ROBO1: variants seen among roughly 807,000 people sequenced by gnomAD.
The protein encoded by ROBO1 is roundabout homolog 1.
A neutral mutation model predicts 195.9 loss-of-function variants in ROBO1; 149 were observed. The ratio of observed to expected loss-of-function variants is 0.76; its 90% CI spans 0.67 to 0.87. The LOEUF is 0.87. Ranked by LOEUF, ROBO1 falls within the 40% of genes least tolerant of loss-of-function variation. ROBO1 has a pLI of 0.00. For missense variants in ROBO1, 1,933 were observed against 2,068.3 expected (o/e 0.93, Z 1.27); for synonymous variants, 816 against 733.2 (o/e 1.11, Z -1.82).
At chr3:78,906,302 T>A (rs907881741) in intron 4 of ROBO1, among the ~76,000 whole-genome samples, 2 of 152,142 alleles carry the variant, frequency 1.3e-5, no homozygotes, top group African/African-American at 4.8e-5. Flanking sequence ...TAGTGCCTCA[T>A]CTGTGAGCCA....
intron 22 of ROBO1, among the ~76,000 whole-genome samples, chr3:78,638,255 A>T (rs1282658738): frequency 7.3e-6 from 1 of 137,750 alleles, no homozygotes; most frequent in African/African-American, 2.8e-5. Flanking sequence ...ACACACATAC[A>T]TATATGTATA....
At chr3:78,949,035 T>A (rs1490590821) in intron 3 of ROBO1, among the ~76,000 whole-genome samples, 2 of 146,286 alleles carry the variant, frequency 1.4e-5, no homozygotes, top group South Asian at 4.5e-4. Flanking sequence ...GGAAGAACAT[T>A]CCATGCTCAT....
intron 2 of ROBO1, among the ~76,000 whole-genome samples, chr3:79,306,550 C>G (rs2033229319): frequency 6.6e-6 from 1 of 152,182 alleles, no homozygotes; most frequent in Non-Finnish European, 1.5e-5. Flanking sequence ...CCTTAGCGTA[C>G]CTGGGGCTCC....
intron 2 of ROBO1, among the ~76,000 whole-genome samples, chr3:79,370,492 C>A (rs947549828): frequency 6.6e-6 from 1 of 151,970 alleles, no homozygotes; most frequent in Non-Finnish European, 1.5e-5. Context: ...TTCTGATATG[C>A]AAATACAAAC....
intron 2 of ROBO1, among the ~76,000 whole-genome samples, chr3:79,414,703 G>C (rs2037925928): frequency 6.6e-6 from 1 of 151,986 alleles, no homozygotes; most frequent in Admixed American, 6.6e-5. Context: ...ATTAATTTTA[G>C]GTCATAAGTA....
chr3:78,716,040 G>A (rs1230878997), intron 7 of ROBO1, among the ~76,000 whole-genome samples: 2 of 152,122 alleles, frequency 1.3e-5, no homozygotes, highest in Admixed American at 6.6e-5. Flanking sequence ...TTCCTTCTCA[G>A]CTTTGTGTCT....
intron 2 of ROBO1, among the ~76,000 whole-genome samples, chr3:79,292,708 G>T (rs1489010740): frequency 4.6e-5 from 7 of 152,112 alleles, no homozygotes; most frequent in Admixed American, 3.9e-4. Flanking sequence ...AACCAGCCTT[G>T]CATCCCAAGG....
chr3:78,895,215 G>A (rs1240224129), intron 4 of ROBO1, among the ~76,000 whole-genome samples: 1 of 152,046 alleles, frequency 6.6e-6, no homozygotes, highest in Non-Finnish European at 1.5e-5. Context: ...TGACAATTAG[G>A]GTTACAAATA....
At chr3:79,181,615 G>C (rs2081340791) in intron 2 of ROBO1, among the ~76,000 whole-genome samples, 2 of 152,064 alleles carry the variant, frequency 1.3e-5, no homozygotes, top group South Asian at 4.1e-4. Context: ...ATTATTTTTA[G>C]TGAGGAATAT....
At chr3:79,446,916 C>T (rs1190895185) in intron 2 of ROBO1, among the ~76,000 whole-genome samples, 3 of 152,094 alleles carry the variant, frequency 2.0e-5, no homozygotes, top group Admixed American at 6.5e-5. Context: ...CTCCGCCTCC[C>T]GGGTTCAAGC....
intron 28 of ROBO1, 190 bp from the exon 29 acceptor site, chr3:78,607,231 G>A: frequency 1.7e-6 from 1 of 600,344 alleles, no homozygotes; most frequent in Non-Finnish European, 2.9e-6. Context: ...TATTTATTCT[G>A]AGACAGGGTC....
chr3:79,021,901 G>C (rs1489985960), intron 3 of ROBO1, among the ~76,000 whole-genome samples: 1 of 152,042 alleles, frequency 6.6e-6, no homozygotes, highest in Admixed American at 6.6e-5. Flanking sequence ...ACCTAGTGAT[G>C]CACCCGCCTT....
At chr3:78,871,012 T>C (rs1391312253) in intron 4 of ROBO1, among the ~76,000 whole-genome samples, 1 of 152,202 alleles carries the variant, frequency 6.6e-6, no homozygotes, top group Non-Finnish European at 1.5e-5. Context: ...ATTCCTGGAA[T>C]ATAGAAAGCA....
chr3:79,623,440 A>G (rs1217376997), intron 1 of ROBO1, among the ~76,000 whole-genome samples: 1 of 152,328 alleles, frequency 6.6e-6, no homozygotes, highest in East Asian at 1.9e-4. Flanking sequence ...CAAAGATGCT[A>G]AGAACATTGA....
At chr3:79,659,015 G>A (rs564739356) in intron 1 of ROBO1, among the ~76,000 whole-genome samples, 3 of 151,962 alleles carry the variant, frequency 2.0e-5, no homozygotes, top group African/African-American at 7.2e-5. Flanking sequence ...GATTACAGGT[G>A]TGAGCCACTG....
At chr3:79,386,898 C>A (rs2036769501) in intron 2 of ROBO1, among the ~76,000 whole-genome samples, 1 of 150,982 alleles carries the variant, frequency 6.6e-6, no homozygotes, top group Non-Finnish European at 1.5e-5. Flanking sequence ...TATTTTGCAT[C>A]AAAAAAAAGA....
At position 79,373,817 on chromosome 3, in the gene ROBO1, C is replaced by T. The variant is rs918776609; in HGVS notation, c.88+216007G>A. ...AGGATCTTAGTTCAATAAAAGCTCC[C>T]AAATGCAAAATTCAGCATTCTGGGT... On this transcript the variant is annotated intron_variant, in intron 2 of 30. Transcript: ENST00000464233. Among the ~76,000 whole-genome samples, 60 of 152,224 alleles carry T rather than the reference C, an allele frequency of 3.9e-4. 1 individual carries two copies. Among genetic ancestry groups the T allele is most frequent in the African/African-American group, 1.4e-3 (59 of 41,572 alleles).
chr3:79,024,955 T>G (rs74828543), intron 3 of ROBO1, among the ~76,000 whole-genome samples: 98 of 152,252 alleles, frequency 6.4e-4, no homozygotes, highest in African/African-American at 2.3e-3. Flanking sequence ...AGATTATGCC[T>G]CTCCTCTGCT....
intron 4 of ROBO1, among the ~76,000 whole-genome samples, chr3:78,776,544 C>A (rs572849386): frequency 2.0e-5 from 3 of 152,302 alleles, no homozygotes; most frequent in African/African-American, 7.2e-5. Flanking sequence ...GCCACCGCAC[C>A]CAGCCAAAAT....
Sources: allele counts gnomAD v4.1 joint callset (sites outside exome capture counted in the v4.1 genomes callset), GRCh38; gene constraint gnomAD v4.1.1; transcripts MANE v1.5; gene names NCBI Gene and HGNC (gene_info 2026-07-23, HGNC 2026-07-21).